The following RBFOX1 variants were observed in gnomAD, a reference collection of about 807,000 sequenced individuals.
RBFOX1 encodes RNA binding protein fox-1 homolog 1.
In RBFOX1, 8 loss-of-function variants were observed where a neutral mutation model predicts 57.7. The ratio of observed to expected loss-of-function variants is 0.14; its 90% CI spans 0.08 to 0.25. RBFOX1 has a LOEUF of 0.25. Among genes scored for constraint, RBFOX1 ranks in the 10% least tolerant of loss-of-function variants. The pLI is 1.00. For missense variants in RBFOX1, 611 were observed against 548.5 expected, an observed-to-expected ratio of 1.11 and a Z score of -1.14; for synonymous variants, 326 against 222.4, an observed-to-expected ratio of 1.47 and a Z score of -4.15.
At chr16:7,539,944 C>G (rs1289262846) in intron 5 of RBFOX1, among the ~76,000 whole-genome samples, 1 of 152,192 alleles carries the variant, frequency 6.6e-6, no homozygotes, top group Non-Finnish European at 1.5e-5. Context: ...GGGTTCAAAT[C>G]CCAACGTTGC....
At chr16:6,518,083 T>G (rs527270540) in intron 2 of RBFOX1, among the ~76,000 whole-genome samples, 22 of 152,342 alleles carry the variant, frequency 1.4e-4, no homozygotes, top group African/African-American at 5.3e-4. Flanking sequence ...CTTTTGTTTC[T>G]TTTCACCCCT....
At chr16:7,126,933 C>T (rs879261010) in intron 4 of RBFOX1, among the ~76,000 whole-genome samples, 3 of 150,400 alleles carry the variant, frequency 2.0e-5, no homozygotes, top group Non-Finnish European at 4.4e-5. Context: ...AGCTTAAACC[C>T]GGGAGGCAGA....
intron 3 of RBFOX1, among the ~76,000 whole-genome samples, chr16:6,949,768 G>C (rs900733411): frequency 6.6e-6 from 1 of 151,704 alleles, no homozygotes; most frequent in Non-Finnish European, 1.5e-5. Flanking sequence ...GACACAATTC[G>C]GTTCTGGGAA....
intron 3 of RBFOX1, among the ~76,000 whole-genome samples, chr16:6,853,351 T>A (rs897762421): frequency 3.9e-5 from 6 of 152,254 alleles, no homozygotes; most frequent in African/African-American, 1.2e-4. Context: ...CCTCTGTGCA[T>A]TGTAGCATAC....
chr16:6,360,142 A>G (rs1254175837), intron 2 of RBFOX1, among the ~76,000 whole-genome samples: 1 of 152,142 alleles, frequency 6.6e-6, no homozygotes, highest in East Asian at 1.9e-4. Flanking sequence ...TCTTGTTTTC[A>G]ATTAAAAAAA....
intron 2 of RBFOX1, among the ~76,000 whole-genome samples, chr16:6,408,263 C>G (rs1184513095): frequency 6.6e-6 from 1 of 152,016 alleles, no homozygotes; most frequent in East Asian, 1.9e-4. Flanking sequence ...CTATAAAGTG[C>G]TGTTGTTTGA....
intron 2 of RBFOX1, among the ~76,000 whole-genome samples, chr16:6,364,531 AT>A (rs1173132338): frequency 6.6e-6 from 1 of 152,070 alleles, no homozygotes; most frequent in Non-Finnish European, 1.5e-5. Context: ...TCAGCTGGCC[AT>A]TTTTCCCCAG....
chr16:7,005,993 C>G (rs928632196), intron 3 of RBFOX1, among the ~76,000 whole-genome samples: 4 of 152,192 alleles, frequency 2.6e-5, no homozygotes, highest in Middle Eastern at 3.2e-3. Flanking sequence ...AAAGGCAAAT[C>G]CTCTAAGAAG....
At chr16:6,104,235 A>G (rs917149703) in intron 1 of RBFOX1, among the ~76,000 whole-genome samples, 5 of 152,156 alleles carry the variant, frequency 3.3e-5, no homozygotes, top group Non-Finnish European at 5.9e-5. Context: ...TCTGTATGCA[A>G]TGGGCAGTGA....
At chr16:7,295,004 A>C (rs760200837) in intron 4 of RBFOX1, among the ~76,000 whole-genome samples, 6 of 152,192 alleles carry the variant, frequency 3.9e-5, no homozygotes, top group Non-Finnish European at 7.3e-5. Context: ...GGATTTTGTG[A>C]AGATCAGAAA....
chr16:6,586,860 A>G (rs560694309), intron 2 of RBFOX1, among the ~76,000 whole-genome samples: 108 of 152,236 alleles, frequency 7.1e-4, no homozygotes, highest in Non-Finnish European at 1.1e-3. Context: ...GGTTTCTTCA[A>G]TGAGTCTTTA....
intron 4 of RBFOX1, among the ~76,000 whole-genome samples, chr16:5,904,272 G>C (rs1269554065): frequency 6.6e-6 from 1 of 152,068 alleles, no homozygotes; most frequent in African/African-American, 2.4e-5. Context: ...TATTAAATAA[G>C]AAATCTGCAT....
chr16:6,933,253 G>C (rs890068513), intron 3 of RBFOX1, among the ~76,000 whole-genome samples: 19 of 152,194 alleles, frequency 1.2e-4, no homozygotes, highest in African/African-American at 4.1e-4. Context: ...TGGGTGTATA[G>C]CTGCAAGTGA....
chr16:6,609,052 C>G (rs905798724), intron 2 of RBFOX1, among the ~76,000 whole-genome samples: 1 of 152,244 alleles, frequency 6.6e-6, no homozygotes, highest in African/African-American at 2.4e-5. Context: ...ATTTGAAGAC[C>G]CTTGTGATTA....
chr16:6,113,606 C>T (rs915201036), intron 1 of RBFOX1, among the ~76,000 whole-genome samples: 3 of 152,094 alleles, frequency 2.0e-5, no homozygotes, highest in East Asian at 1.9e-4. Flanking sequence ...ATATTGAAGC[C>T]GTGAAGTCAT....
intron 3 of RBFOX1, among the ~76,000 whole-genome samples, chr16:5,703,646 C>G (rs920860569): frequency 6.6e-6 from 1 of 152,182 alleles, no homozygotes; most frequent in African/African-American, 2.4e-5. Flanking sequence ...AGCTCAGCCA[C>G]TGAATAGGTT....
intron 4 of RBFOX1, among the ~76,000 whole-genome samples, chr16:7,336,171 C>T (rs1392719406): frequency 5.9e-5 from 9 of 152,180 alleles, no homozygotes; most frequent in Non-Finnish European, 8.8e-5. Context: ...AAGTCAGCCT[C>T]GAGTCCAGAA....
intron 4 of RBFOX1, among the ~76,000 whole-genome samples, chr16:7,264,997 G>C (rs553419486): frequency 2.0e-5 from 3 of 152,340 alleles, no homozygotes; most frequent in Admixed American, 6.5e-5. Context: ...TCCATTTGCG[G>C]TTTTCAAACC....
chr16:7,647,030 T>C (rs540276881), intron 11 of RBFOX1, among the ~76,000 whole-genome samples: 1 of 152,278 alleles, frequency 6.6e-6, no homozygotes, highest in South Asian at 2.1e-4. Context: ...CACCCACACA[T>C]CTTCCGTTCT....
Sources: allele counts gnomAD v4.1 joint callset (sites outside exome capture counted in the v4.1 genomes callset), GRCh38; gene constraint gnomAD v4.1.1; transcripts MANE v1.5; gene names NCBI Gene and HGNC (gene_info 2026-07-23, HGNC 2026-07-21).